XPO7: variants seen among roughly 807,000 people sequenced by gnomAD.
XPO7 encodes exportin-7.
A neutral mutation model predicts 144.3 loss-of-function variants in XPO7; 21 were observed. That is an observed-to-expected ratio of 0.15 (90% CI 0.10 to 0.21). XPO7 has a LOEUF of 0.21. XPO7 is among the 10% of genes least tolerant of loss of function. XPO7 has a pLI of 1.00. For synonymous variants in XPO7, 580 were observed against 499.6 expected, an observed-to-expected ratio of 1.16 and a Z score of -2.15; for missense variants, 808 against 1,325.8, an observed-to-expected ratio of 0.61 and a Z score of 6.06.
intron 1 of XPO7, among the ~76,000 whole-genome samples, chr8:21,924,919 A>G (rs1810411356): frequency 6.6e-6 from 1 of 152,126 alleles, no homozygotes; most frequent in Non-Finnish European, 1.5e-5. Context: ...CTAATATCCC[A>G]TTTTTGTTAC....
chr8:21,936,878 G>A (rs895893517), intron 1 of XPO7, among the ~76,000 whole-genome samples: 1 of 152,018 alleles, frequency 6.6e-6, no homozygotes, highest in East Asian at 1.9e-4. Context: ...TTCATATAGG[G>A]TGGTTTTGCG....
chr8:21,995,654 T>C (rs1355816348), intron 21 of XPO7, 55 bp downstream of exon 21: 2 of 1,380,272 alleles, frequency 1.4e-6, no homozygotes, highest in Non-Finnish European at 2.0e-6. Context: ...CTGAGAGAAT[T>C]TGCTGTATCT....
chr8:21,991,856 T>A lies in XPO7; in HGVS notation c.2042-12T>A. ...GGTATTGGGGTTACACCCTGGGATG[T>A]TTCCTTTACAGGAGAGGATGAAGAT... On this transcript the variant is annotated splice_polypyrimidine_tract_variant and intron_variant, in intron 18 of 27. Transcript: ENST00000252512. 6.2e-7 allele frequency: 1 copy of A among 1,604,994 alleles called. No individual in the cohort carries two copies. Among genetic ancestry groups the A allele is most frequent in the South Asian group, 1.1e-5 (1 of 89,508 alleles).
chr8:21,959,571 T>TAA (rs1343048112), intron 1 of XPO7, among the ~76,000 whole-genome samples: 1 of 152,138 alleles, frequency 6.6e-6, no homozygotes, highest in Non-Finnish European at 1.5e-5. Flanking sequence ...TGTTTGTGGG[T>TAA]AAAGATCCTA....
At chr8:21,995,404 A>T in intron 20 of XPO7, 88 bp from the exon 21 acceptor site, 1 of 1,093,692 alleles carries the variant, frequency 9.1e-7, no homozygotes, top group Non-Finnish European at 1.3e-6. Context: ...GTAGTTTGAC[A>T]AGTTTTTGCT....
intron 1 of XPO7, among the ~76,000 whole-genome samples, chr8:21,922,102 T>C (rs978283320): frequency 6.6e-6 from 1 of 152,232 alleles, no homozygotes; most frequent in African/African-American, 2.4e-5. Context: ...TGCTACAGAT[T>C]CATGACTGAT....
intron 1 of XPO7, among the ~76,000 whole-genome samples, chr8:21,939,592 GTTAA>G (rs1261537890): frequency 6.6e-6 from 1 of 152,170 alleles, no homozygotes; most frequent in East Asian, 1.9e-4. Context: ...TTATGCCAAC[GTTAA>G]TTGAGTCAGA....
chr8:21,988,989 T>G lies in XPO7; in HGVS notation c.1788-14T>G. On this transcript the variant is annotated splice_polypyrimidine_tract_variant and intron_variant, in intron 15 of 27. Coordinates refer to ENST00000252512, the MANE Select transcript of XPO7 (RefSeq NM_015024.5). Reference sequence around the variant, plus strand: ...AAAGGGTCTCCTGCTTTTTTTTTTCTTTTTGTCCTCCAGCATCACCAACTT... The same window carrying G: ...AAAGGGTCTCCTGCTTTTTTTTTTCGTTTTGTCCTCCAGCATCACCAACTT... The G allele has an allele frequency of 1.2e-6, 2 of 1,610,614 alleles. No homozygotes were observed. The highest frequency in any genetic ancestry group is 1.7e-6 in the Non-Finnish European group (2 of 1,178,900).
chr8:21,935,038 T>G (rs976624413), intron 1 of XPO7, among the ~76,000 whole-genome samples: 4 of 151,910 alleles, frequency 2.6e-5, no homozygotes, highest in African/African-American at 9.7e-5. Flanking sequence ...AATGATAAAC[T>G]AAAGTAAGGA....
chr8:21,990,429 T>G, intron 17 of XPO7, 22 bp downstream of exon 17: 2 of 1,612,886 alleles, frequency 1.2e-6, no homozygotes, highest in Non-Finnish European at 1.7e-6. Context: ...TAGCTTTTTT[T>G]CCTGGCCCTC....
intron 2 of XPO7, among the ~76,000 whole-genome samples, chr8:21,969,147 G>T (rs1445999439): frequency 6.6e-6 from 1 of 152,096 alleles, no homozygotes; most frequent in Non-Finnish European, 1.5e-5. Flanking sequence ...AGATTTCTTG[G>T]TTTAAATGAG....
chr8:21,972,041 G>A, intron 5 of XPO7, 100 bp downstream of exon 5: 1 of 1,141,988 alleles, frequency 8.8e-7, no homozygotes, highest in Non-Finnish European at 1.3e-6. Context: ...GCAGTTGTGT[G>A]CTTTTGCGGT....
At chr8:21,973,027 C>A (rs34798542) in intron 5 of XPO7, among the ~76,000 whole-genome samples, 8,483 of 151,982 alleles carry the variant, frequency 0.056, 373 homozygotes, top group Non-Finnish European at 0.084. Context: ...TCAGAACAGT[C>A]ATATGAGGTA....
At chr8:21,928,039 T>TAC (rs1323429590) in intron 1 of XPO7, among the ~76,000 whole-genome samples, 1 of 152,236 alleles carries the variant, frequency 6.6e-6, no homozygotes, top group South Asian at 2.1e-4. Context: ...GACAGATACA[T>TAC]ACACCTGTGA....
At chr8:21,967,584 C>T (rs1268894560) in intron 2 of XPO7, among the ~76,000 whole-genome samples, 3 of 152,098 alleles carry the variant, frequency 2.0e-5, no homozygotes, top group African/African-American at 7.2e-5. Context: ...CCACCCGCCT[C>T]GGCCTCCCAA....
At chr8:21,997,425 A>G (rs1812988283) in intron 21 of XPO7, among the ~76,000 whole-genome samples, 1 of 152,338 alleles carries the variant, frequency 6.6e-6, no homozygotes, top group South Asian at 2.1e-4. Context: ...CCTCTCAGAG[A>G]AGGTAATATT....
At chr8:21,929,468 C>G (rs377293362) in intron 1 of XPO7, among the ~76,000 whole-genome samples, 1 of 152,186 alleles carries the variant, frequency 6.6e-6, no homozygotes, top group Non-Finnish European at 1.5e-5. Context: ...GGGAAAAAAA[C>G]AAGTGTTAAC....
chr8:21,919,942 C>T (rs1461381592), intron 1 of XPO7, among the ~76,000 whole-genome samples, 154 bp downstream of exon 1: 1 of 151,726 alleles, frequency 6.6e-6, no homozygotes, highest in South Asian at 2.1e-4. Context: ...TCCCGGAGCC[C>T]CGGGGCCTTT....
chr8:21,958,172 T>G (rs1049808541), intron 1 of XPO7, among the ~76,000 whole-genome samples: 1 of 152,170 alleles, frequency 6.6e-6, no homozygotes, highest in African/African-American at 2.4e-5. Context: ...TGGAGAAGTA[T>G]GTACTGAATC....
Sources: gnomAD v4.1 joint callset for allele counts (sites outside exome capture counted in the v4.1 genomes callset) on GRCh38, gnomAD v4.1.1 for gene constraint, MANE v1.5 for transcripts, NCBI Gene and HGNC (gene_info 2026-07-23, HGNC 2026-07-21) for gene names.